The following ACOXL variants were observed in gnomAD, a reference collection of about 807,000 sequenced individuals.
ACOXL encodes acyl-CoA oxidase like.
Under a neutral mutation model 71.9 loss-of-function variants are expected in ACOXL, and 70 were observed. The observed-to-expected ratio is 0.97, with a 90% CI of 0.80 to 1.19. The LOEUF is 1.19. ACOXL is among the 50% of genes most tolerant of loss of function. ACOXL has a pLI of 0.00. For missense variants in ACOXL, 703 were observed against 736.3 expected, an observed-to-expected ratio of 0.95 and a Z score of 0.52; for synonymous variants, 253 against 281.6, an observed-to-expected ratio of 0.90 and a Z score of 1.02.
chr2:110,751,409 A>G (rs1316607809), intron 1 of ACOXL, among the ~76,000 whole-genome samples: 4 of 152,080 alleles, frequency 2.6e-5, no homozygotes, highest in African/African-American at 9.6e-5. Flanking sequence ...ATGCTACTAT[A>G]CTTGCTTTAT....
At chr2:110,938,930 A>G (rs1005206697) in intron 12 of ACOXL, among the ~76,000 whole-genome samples, 6 of 152,196 alleles carry the variant, frequency 3.9e-5, no homozygotes, top group African/African-American at 4.8e-5. Context: ...AATGAGAGCA[A>G]TGATGACATT....
At chr2:110,990,251 T>C (rs1574407024) in intron 13 of ACOXL, among the ~76,000 whole-genome samples, 1 of 152,206 alleles carries the variant, frequency 6.6e-6, no homozygotes, top group Non-Finnish European at 1.5e-5. Flanking sequence ...ATTTTTTCCA[T>C]ACATACTATA....
intron 14 of ACOXL, among the ~76,000 whole-genome samples, chr2:111,013,104 A>G: frequency 6.6e-6 from 1 of 152,264 alleles, no homozygotes. Context: ...AGCGGATATT[A>G]TAATGTCATA....
intron 12 of ACOXL, among the ~76,000 whole-genome samples, chr2:110,972,421 A>G (rs893618714): frequency 1.2e-4 from 18 of 152,160 alleles, no homozygotes; most frequent in African/African-American, 4.3e-4. Context: ...GAAAAATGCT[A>G]CCTCAAGTGA....
chr2:110,873,979 GC>G lies in ACOXL; in HGVS notation c.788+32577del, dbSNP rs370003150. Among the ~76,000 whole-genome samples the G allele has an allele frequency of 3.6e-3, 542 of 152,326 alleles. 10 individuals are homozygous for G. Among genetic ancestry groups the G allele is most frequent in the African/African-American group, 0.012 (514 of 41,572 alleles). Reference sequence around the variant, plus strand: ...CCGTGTGGCATCGGCCAGCCCTAGGGCCCTATCCATGTCCTGGCCCTCTGGG... The same window carrying G: ...CCGTGTGGCATCGGCCAGCCCTAGGGCCTATCCATGTCCTGGCCCTCTGGG... On this transcript the variant is annotated intron_variant, in intron 10 of 17. Transcript: ENST00000439055.
At chr2:111,046,047 A>G (rs1348086290) in intron 15 of ACOXL, among the ~76,000 whole-genome samples, 1 of 152,236 alleles carries the variant, frequency 6.6e-6, no homozygotes, top group Non-Finnish European at 1.5e-5. Flanking sequence ...CCGGACATCT[A>G]AACACTAGAG....
intron 10 of ACOXL, among the ~76,000 whole-genome samples, chr2:110,873,091 G>A (rs948908757): frequency 2.0e-5 from 3 of 152,132 alleles, no homozygotes; most frequent in South Asian, 2.1e-4. Context: ...GGGTTCCTCC[G>A]TCACACAAAA....
chr2:110,858,361 C>T (rs966798708), intron 10 of ACOXL, among the ~76,000 whole-genome samples: 3 of 152,162 alleles, frequency 2.0e-5, no homozygotes, highest in East Asian at 1.9e-4. Context: ...CCGAGACAGA[C>T]GTGGAGCTGA....
At chr2:111,083,689 C>G (rs1386756348) in intron 16 of ACOXL, among the ~76,000 whole-genome samples, 1 of 151,922 alleles carries the variant, frequency 6.6e-6, no homozygotes, top group Non-Finnish European at 1.5e-5. Flanking sequence ...GCCCAAAGGT[C>G]CAGGCATACA....
intron 16 of ACOXL, among the ~76,000 whole-genome samples, chr2:111,092,261 G>GT (rs1192882801): frequency 8.5e-5 from 13 of 152,118 alleles, no homozygotes; most frequent in Non-Finnish European, 1.9e-4. Context: ...CGAGAGTTAC[G>GT]TGAATAAACA....
intron 11 of ACOXL, among the ~76,000 whole-genome samples, chr2:110,918,552 T>C (rs1235877050): frequency 6.6e-6 from 1 of 151,934 alleles, no homozygotes; most frequent in African/African-American, 2.4e-5. Flanking sequence ...AATTGACAAA[T>C]GGGATCTAAT....
chr2:111,047,045 C>A (rs1457028481), intron 15 of ACOXL, among the ~76,000 whole-genome samples: 4 of 152,182 alleles, frequency 2.6e-5, no homozygotes, highest in African/African-American at 9.7e-5. Context: ...CAAGGGACAT[C>A]ATCGTACAAG....
chr2:111,104,061 T>C (rs1467183352), intron 17 of ACOXL, among the ~76,000 whole-genome samples: 3 of 152,200 alleles, frequency 2.0e-5, no homozygotes, highest in Non-Finnish European at 2.9e-5. Flanking sequence ...AGGAACGTTG[T>C]ATAAATGAAA....
chr2:110,908,104 T>C (rs2059522823), intron 10 of ACOXL, among the ~76,000 whole-genome samples: 1 of 152,236 alleles, frequency 6.6e-6, no homozygotes, highest in African/African-American at 2.4e-5. Context: ...GCCTGGGCTC[T>C]TTGCAATCTA....
rs544078567 is a variant in ACOXL at position 110,952,406 on chromosome 2, G to C, written c.1059+18764G>C. ...TATTTTTTCAAATAATAAGTTTTTG[G>C]CTTTGTTGATCCTCTCCACTATATC... is the stretch of plus-strand genomic sequence containing the variant. On this transcript the variant is annotated intron_variant, in intron 12 of 17. Transcript: ENST00000439055. Among the ~76,000 whole-genome samples, 3 of 151,980 alleles carry C rather than the reference G, an allele frequency of 2.0e-5. No individual in the cohort carries two copies. In the East Asian group the frequency reaches 5.8e-4, roughly 29 times the overall value.
intron 14 of ACOXL, 125 bp from the exon 15 acceptor site, chr2:111,031,502 G>T: frequency 1.3e-6 from 1 of 768,934 alleles, no homozygotes. Flanking sequence ...GCCTACAGAA[G>T]GTTCTGCACT....
chr2:110,858,855 C>G (rs1042005062), intron 10 of ACOXL, among the ~76,000 whole-genome samples: 1 of 152,134 alleles, frequency 6.6e-6, no homozygotes, highest in Non-Finnish European at 1.5e-5. Context: ...TTTAAAAGAC[C>G]CCTCTTCCTC....
chr2:110,895,008 A>G (rs1425989550), intron 10 of ACOXL, among the ~76,000 whole-genome samples: 2 of 152,212 alleles, frequency 1.3e-5, no homozygotes, highest in African/African-American at 4.8e-5. Flanking sequence ...TCAAATGAAA[A>G]TCACTCACTA....
In ACOXL at chr2:110,762,780, C is replaced by T. The variant is rs537587370; in HGVS notation, c.-22-5588C>T. ...AAGCAATCCTCCTACCTCAGACTCC[C>T]AAGTAGCTGGGACTACACATGCACA... On this transcript the variant is annotated intron_variant, in intron 1 of 17. Transcript: ENST00000439055. 3.9e-5 allele frequency among the ~76,000 whole-genome samples: 6 copies of T among 152,260 alleles called. No homozygotes were observed. In the South Asian group the frequency reaches 1.2e-3, roughly 32 times the overall value.
Sources: allele counts gnomAD v4.1 joint callset (sites outside exome capture counted in the v4.1 genomes callset), GRCh38; gene constraint gnomAD v4.1.1; transcripts MANE v1.5; gene names NCBI Gene and HGNC (gene_info 2026-07-23, HGNC 2026-07-21).